Variants in STAP1 observed in about 807,000 individuals in gnomAD.
STAP1 encodes signal-transducing adaptor protein 1.
In STAP1, 30 loss-of-function variants were observed where a neutral mutation model predicts 37.8. That is an observed-to-expected ratio of 0.79 (90% confidence interval 0.59 to 1.08). The LOEUF is 1.08. Ranked by LOEUF, STAP1 falls within the 50% of genes least tolerant of loss-of-function variation. The pLI, the probability that STAP1 is intolerant of heterozygous loss-of-function variation, is 0.00. For missense variants in STAP1, 357 were observed against 349.4 expected, an observed-to-expected ratio of 1.02 and a Z score of -0.17; for synonymous variants, 130 against 116.0, an observed-to-expected ratio of 1.12 and a Z score of -0.78.
At chr4:67,580,047 C>T (rs980975731) in intron 4 of STAP1, among the ~76,000 whole-genome samples, 11 of 151,940 alleles carry the variant, frequency 7.2e-5, no homozygotes, top group South Asian at 2.1e-4. Context: ...TTATTAGAAA[C>T]GGGTTTCATA....
At chr4:67,566,666 G>A (rs558244809) in intron 1 of STAP1, among the ~76,000 whole-genome samples, 1 of 152,222 alleles carries the variant, frequency 6.6e-6, no homozygotes, top group African/African-American at 2.4e-5. Context: ...TGGCAGTACT[G>A]AGCAGAATAG....
chr4:67,563,358 A>G (rs575858845), intron 1 of STAP1, among the ~76,000 whole-genome samples: 3 of 152,294 alleles, frequency 2.0e-5, no homozygotes, highest in Admixed American at 2.0e-4. Flanking sequence ...GTGTTCTGTC[A>G]CTGTGATCCT....
Position 67,581,308 on chromosome 4 carries a change from T to A in STAP1, c.367T>A (p.Ser123Thr). 1 of 1,610,630 alleles carries A rather than the reference T, an allele frequency of 6.2e-7. No homozygotes were observed. Among genetic ancestry groups the A allele is most frequent in the South Asian group, 1.1e-5 (1 of 90,200 alleles). Residue 123 changes from serine to threonine, a missense_variant, in exon 5 of 9, where the codon TCA becomes ACA. Ser to Thr is a moderately conservative substitution (Grantham distance 58). Transcript: ENST00000265404. ...CTACTCTTTTAATTGGTTTCAGCTG[T>A]CAGTTCCCCAAAACGTGTCACTCCT... is the stretch of plus-strand genomic sequence containing the variant. ...RGFILTVTEL[S>T]VPQNVSLLPG...
intron 4 of STAP1, among the ~76,000 whole-genome samples, chr4:67,580,827 T>G (rs3775871): frequency 0.83 from 126,197 of 152,168 alleles, 53,155 homozygotes; most frequent in Non-Finnish European, 0.9. Flanking sequence ...ACGCAAAATT[T>G]CGACCTCTGA....
intron 6 of STAP1, 68 bp from the exon 7 acceptor site, chr4:67,590,816 T>C (rs1728103864): frequency 2.0e-6 from 2 of 1,016,948 alleles, no homozygotes; most frequent in Non-Finnish European, 3.0e-6. Flanking sequence ...TGATATTTTA[T>C]ATTTACTTTA....
chr4:67,603,080 T>C (rs900906710), intron 8 of STAP1, among the ~76,000 whole-genome samples: 6 of 152,120 alleles, frequency 3.9e-5, no homozygotes, highest in African/African-American at 1.4e-4. Flanking sequence ...CTACTGCAGC[T>C]GAGCTGGCAC....
At chr4:67,559,124 A>G (rs1326609928) in intron 1 of STAP1, among the ~76,000 whole-genome samples, 195 bp downstream of exon 1, 3 of 152,316 alleles carry the variant, frequency 2.0e-5, no homozygotes, top group Admixed American at 1.3e-4. Flanking sequence ...ATGTATACAC[A>G]TATATAATAT....
At chr4:67,561,849 G>T (rs1727345593) in intron 1 of STAP1, among the ~76,000 whole-genome samples, 1 of 151,966 alleles carries the variant, frequency 6.6e-6, no homozygotes, top group South Asian at 2.1e-4. Context: ...CCAGGTGGGC[G>T]GATCACGAGG....
At chr4:67,605,636 G>A (rs986778800) in intron 8 of STAP1, among the ~76,000 whole-genome samples, 2 of 152,134 alleles carry the variant, frequency 1.3e-5, no homozygotes, top group Admixed American at 6.5e-5. Context: ...TCTTTCAAAA[G>A]CAGAAAAATG....
intron 5 of STAP1, among the ~76,000 whole-genome samples, chr4:67,583,260 G>A (rs1443576965): frequency 6.6e-6 from 1 of 152,196 alleles, no homozygotes; most frequent in Non-Finnish European, 1.5e-5. Context: ...CTTATCAACT[G>A]AGACTGGGGA....
At chr4:67,600,367 C>T (rs1560468209) in intron 8 of STAP1, among the ~76,000 whole-genome samples, 1 of 151,928 alleles carries the variant, frequency 6.6e-6, no homozygotes, top group Non-Finnish European at 1.5e-5. Flanking sequence ...GGAGATGATG[C>T]TTGATATTAC....
intron 6 of STAP1, among the ~76,000 whole-genome samples, chr4:67,585,931 T>C (rs1727970390): frequency 6.6e-6 from 1 of 152,198 alleles, no homozygotes; most frequent in South Asian, 2.1e-4. Context: ...ACTTCCACTT[T>C]TAAAGATGAG....
chr4:67,595,615 G>A (rs747716950), intron 8 of STAP1, among the ~76,000 whole-genome samples: 12 of 152,192 alleles, frequency 7.9e-5, no homozygotes, highest in Non-Finnish European at 1.5e-4. Flanking sequence ...ATTTTTGTAC[G>A]GATTAATTTC....
chr4:67,558,922 G>A lies in STAP1; in HGVS notation c.113G>A (p.Gly38Glu), dbSNP rs760348683. 13 of 1,611,552 alleles carry A rather than the reference G, an allele frequency of 8.1e-6. No individual in the cohort carries two copies. In the South Asian group the frequency reaches 1.4e-4, roughly 18 times the overall value. ...FEGFLLIKRS[G>E]YREYEHYWTE... ...GGTTTTTTATTAATCAAGCGGTCAG[G>A]ATACCGGGTGAGTCTATAGATGATA... Residue 38 changes from glycine to glutamate, a missense_variant, in exon 1 of 9, where the codon GGA becomes GAA. By Grantham distance (98) the Gly-to-Glu change is moderately conservative. Transcript: ENST00000265404.
chr4:67,581,892 TTGTAC>T (rs1021490217), intron 5 of STAP1, among the ~76,000 whole-genome samples: 1 of 152,238 alleles, frequency 6.6e-6, no homozygotes. Flanking sequence ...GTCATCAAGC[TTGTAC>T]TTTGACAAAG....
chr4:67,595,245 C>T (rs536263578), intron 8 of STAP1, among the ~76,000 whole-genome samples: 4 of 151,878 alleles, frequency 2.6e-5, no homozygotes, highest in African/African-American at 9.7e-5. Context: ...GTTCCAGCCC[C>T]ATTTGTTTAA....
intron 1 of STAP1, among the ~76,000 whole-genome samples, chr4:67,567,266 C>T (rs112460103): frequency 0.02 from 3,071 of 152,232 alleles, 108 homozygotes; most frequent in African/African-American, 0.069. Flanking sequence ...TTGGCTGATC[C>T]TTCAATAATA....
At chr4:67,565,802 T>C (rs1474594458) in intron 1 of STAP1, among the ~76,000 whole-genome samples, 3 of 152,030 alleles carry the variant, frequency 2.0e-5, no homozygotes, top group Non-Finnish European at 4.4e-5. Flanking sequence ...ATTATTATTA[T>C]TCAGTGTCTT....
intron 8 of STAP1, among the ~76,000 whole-genome samples, chr4:67,601,630 T>C (rs1728344075): frequency 1.3e-5 from 2 of 152,246 alleles, no homozygotes; most frequent in South Asian, 4.1e-4. Flanking sequence ...TATACTATTC[T>C]AGGAGGAAAG....
Sources: allele counts gnomAD v4.1 joint callset (sites outside exome capture counted in the v4.1 genomes callset), GRCh38; gene constraint gnomAD v4.1.1; transcripts MANE v1.5; gene names NCBI Gene and HGNC (gene_info 2026-07-23, HGNC 2026-07-21).